Variants in MEGF11 observed in about 807,000 individuals in gnomAD.
MEGF11 encodes the protein multiple EGF like domains 11, also known as multiple epidermal growth factor-like domains protein 11.
Under a neutral mutation model 146.6 loss-of-function variants are expected in MEGF11, and 126 were observed. That is an observed-to-expected ratio of 0.86 (90% confidence interval 0.74 to 1.00). The LOEUF (loss-of-function observed/expected upper bound fraction) is 1.00, where lower values mean the gene tolerates loss of function less well. MEGF11 is among the 50% of genes least tolerant of loss of function. The pLI is 0.00. For missense variants in MEGF11, 1,509 were observed against 1,521.2 expected (o/e 0.99, Z 0.13); for synonymous variants, 532 against 583.4 (o/e 0.91, Z 1.27).
chr15:65,919,492 T>C (rs2079105891), intron 15 of MEGF11, among the ~76,000 whole-genome samples: 1 of 152,192 alleles, frequency 6.6e-6, no homozygotes, highest in Non-Finnish European at 1.5e-5. Context: ...AATAGCCTTA[T>C]GTCTAAAAAA....
At chr15:65,935,670 A>G (rs549768272) in intron 10 of MEGF11, among the ~76,000 whole-genome samples, 283 of 152,292 alleles carry the variant, frequency 1.9e-3, no homozygotes, top group African/African-American at 6.3e-3. Context: ...GGGGAATCAG[A>G]GAGTTTCTAA....
At chr15:65,970,719 C>T (rs779761967) in intron 7 of MEGF11, 30 bp from the exon 8 acceptor site, 23 of 1,587,600 alleles carry the variant, frequency 1.4e-5, no homozygotes, top group Middle Eastern at 1.7e-4. Flanking sequence ...ACATGCATGG[C>T]GGTGCTCCAG....
intron 1 of MEGF11, among the ~76,000 whole-genome samples, chr15:66,233,728 G>A (rs535893341): frequency 1.3e-5 from 2 of 152,230 alleles, no homozygotes; most frequent in South Asian, 4.2e-4. Context: ...ATGACCCAGT[G>A]AATCTTCCTT....
intron 5 of MEGF11, among the ~76,000 whole-genome samples, chr15:66,069,464 CA>C (rs2085276454): frequency 6.6e-6 from 1 of 152,200 alleles, no homozygotes; most frequent in Non-Finnish European, 1.5e-5. Context: ...CTAACCCAGA[CA>C]GAACCCCTGT....
chr15:66,016,564 C>T (rs928944570), intron 5 of MEGF11, among the ~76,000 whole-genome samples: 4 of 142,172 alleles, frequency 2.8e-5, no homozygotes, highest in Admixed American at 7.6e-5. Context: ...CAACCTGCAA[C>T]ACCGACAAAG....
chr15:65,945,023 C>A (rs192570194), intron 10 of MEGF11, among the ~76,000 whole-genome samples: 2 of 151,962 alleles, frequency 1.3e-5, no homozygotes, highest in African/African-American at 4.8e-5. Flanking sequence ...CTCAGCCTCC[C>A]GAGTAGCTGG....
chr15:66,228,733 C>A (rs1163743300), intron 1 of MEGF11, among the ~76,000 whole-genome samples: 1 of 152,216 alleles, frequency 6.6e-6, no homozygotes, highest in Non-Finnish European at 1.5e-5. Flanking sequence ...GAGCTTCTCT[C>A]CATGCTTCCC....
chr15:65,914,576 G>C (rs535044921), intron 19 of MEGF11, among the ~76,000 whole-genome samples: 3 of 152,240 alleles, frequency 2.0e-5, no homozygotes, highest in Admixed American at 2.0e-4. Flanking sequence ...TTATATATGT[G>C]AGGGCTGCCC....
At chr15:66,016,322 G>A (rs1016851901) in intron 5 of MEGF11, among the ~76,000 whole-genome samples, 4 of 151,926 alleles carry the variant, frequency 2.6e-5, no homozygotes, top group African/African-American at 4.8e-5. Context: ...TGCAATATTT[G>A]TACACTGCCA....
intron 1 of MEGF11, among the ~76,000 whole-genome samples, chr15:66,185,929 C>T (rs573223126): frequency 1.9e-4 from 29 of 152,320 alleles, no homozygotes; most frequent in South Asian, 2.1e-4. Flanking sequence ...TGCTAGTTGC[C>T]TTCACTCCTG....
chr15:65,981,992 A>C (rs555870343), intron 6 of MEGF11, among the ~76,000 whole-genome samples: 2 of 152,314 alleles, frequency 1.3e-5, no homozygotes, highest in South Asian at 2.1e-4. Context: ...GGAAGGAAGG[A>C]ATCTGAGACC....
chr15:66,060,998 G>A (rs1340522668), intron 5 of MEGF11, among the ~76,000 whole-genome samples: 1 of 152,250 alleles, frequency 6.6e-6, no homozygotes, highest in South Asian at 2.1e-4. Context: ...CTGGAATGGG[G>A]ACTGGAGGGG....
chr15:66,187,589 G>A (rs558534627), intron 1 of MEGF11, among the ~76,000 whole-genome samples: 1 of 152,376 alleles, frequency 6.6e-6, no homozygotes, highest in Admixed American at 6.5e-5. Context: ...CATTACGGCA[G>A]TCTTGTGTAC....
At chr15:66,081,255 C>T (rs185566532) in intron 5 of MEGF11, among the ~76,000 whole-genome samples, 1 of 152,304 alleles carries the variant, frequency 6.6e-6, no homozygotes, top group Admixed American at 6.5e-5. Context: ...GAGACATCCT[C>T]CATCAGGGGG....
chr15:65,987,410 G>A (rs1342871727), intron 5 of MEGF11, among the ~76,000 whole-genome samples: 1 of 152,054 alleles, frequency 6.6e-6, no homozygotes, highest in African/African-American at 2.4e-5. Flanking sequence ...GTGGGCGTAG[G>A]TCCTAGGTTT....
At chr15:66,035,899 G>A (rs1177647897) in intron 5 of MEGF11, among the ~76,000 whole-genome samples, 1 of 152,134 alleles carries the variant, frequency 6.6e-6, no homozygotes, top group Non-Finnish European at 1.5e-5. Context: ...TCACATCTAC[G>A]GGTGAATCTG....
chr15:65,968,343 A>G (rs1393155756), intron 8 of MEGF11, among the ~76,000 whole-genome samples: 1 of 152,162 alleles, frequency 6.6e-6, no homozygotes, highest in Non-Finnish European at 1.5e-5. Flanking sequence ...AATGTCTCAA[A>G]TGTCGGGTGA....
chr15:65,916,665 C>T (rs868868217), intron 17 of MEGF11, 163 bp downstream of exon 17: 3 of 1,256,228 alleles, frequency 2.4e-6, no homozygotes, highest in Non-Finnish European at 3.4e-6. Flanking sequence ...TCTGGAGCTG[C>T]CCCTGCAGAG....
intron 5 of MEGF11, among the ~76,000 whole-genome samples, chr15:66,037,476 T>C (rs1217264058): frequency 6.6e-6 from 1 of 152,186 alleles, no homozygotes; most frequent in Non-Finnish European, 1.5e-5. Flanking sequence ...CCCTGCTTCA[T>C]AGGGTTGCCA....
Sources: gnomAD v4.1 joint callset for allele counts (sites outside exome capture counted in the v4.1 genomes callset) on GRCh38, gnomAD v4.1.1 for gene constraint, MANE v1.5 for transcripts, NCBI Gene and HGNC (gene_info 2026-07-23, HGNC 2026-07-21) for gene names.